The following KCNQ5 variants were observed in gnomAD, a reference collection of about 807,000 sequenced individuals.
KCNQ5 encodes the protein potassium voltage-gated channel subfamily KQT member 5.
In KCNQ5, 30 loss-of-function variants were observed where a neutral mutation model predicts 98.2. The ratio of observed to expected loss-of-function variants is 0.31; its 90% CI spans 0.23 to 0.41. The LOEUF (loss-of-function observed/expected upper bound fraction) is 0.41. Ranked by LOEUF, KCNQ5 falls within the 10% of genes least tolerant of loss-of-function variation. The pLI is 1.00. For missense variants in KCNQ5, 835 were observed against 1,182.5 expected (o/e 0.71, Z 4.31); for synonymous variants, 458 against 449.4 (o/e 1.02, Z -0.24).
chr6:73,057,465 A>C (rs1772571934), intron 3 of KCNQ5, among the ~76,000 whole-genome samples: 1 of 152,152 alleles, frequency 6.6e-6, no homozygotes, highest in Admixed American at 6.5e-5. Flanking sequence ...TGTACCTTAG[A>C]ACTTAAAGTA....
chr6:73,060,830 T>C (rs1772745236), intron 3 of KCNQ5, among the ~76,000 whole-genome samples: 1 of 152,128 alleles, frequency 6.6e-6, no homozygotes, highest in South Asian at 2.1e-4. Context: ...CTCTCACCTA[T>C]CAGATTGGCA....
At chr6:72,815,999 A>G (rs1291646686) in intron 1 of KCNQ5, among the ~76,000 whole-genome samples, 1 of 152,186 alleles carries the variant, frequency 6.6e-6, no homozygotes, top group Non-Finnish European at 1.5e-5. Context: ...ACCAAAGGAG[A>G]AAATGCCTGA....
intron 7 of KCNQ5, among the ~76,000 whole-genome samples, chr6:73,114,191 A>G (rs765305239): frequency 8.5e-5 from 13 of 152,168 alleles, no homozygotes; most frequent in Non-Finnish European, 1.6e-4. Context: ...TATTATAGAA[A>G]TTTATATTTC....
chr6:73,047,502 G>A (rs912227024), intron 3 of KCNQ5, among the ~76,000 whole-genome samples: 1 of 152,198 alleles, frequency 6.6e-6, no homozygotes, highest in East Asian at 1.9e-4. Flanking sequence ...TTAGATAATT[G>A]TTGACCTGGT....
intron 1 of KCNQ5, among the ~76,000 whole-genome samples, chr6:72,721,229 G>C (rs1769940033): frequency 1.3e-5 from 2 of 152,188 alleles, no homozygotes; most frequent in Admixed American, 6.5e-5. Flanking sequence ...TAAGTATTCA[G>C]TCAGTGAGAT....
chr6:73,111,699 T>C (rs1775247577), intron 7 of KCNQ5, among the ~76,000 whole-genome samples: 2 of 152,216 alleles, frequency 1.3e-5, no homozygotes, highest in African/African-American at 2.4e-5. Flanking sequence ...AATTATCTAA[T>C]ATGTCTTATG....
At chr6:72,921,406 G>C (rs933947539) in intron 1 of KCNQ5, among the ~76,000 whole-genome samples, 4 of 152,206 alleles carry the variant, frequency 2.6e-5, no homozygotes, top group Non-Finnish European at 5.9e-5. Context: ...GGCGTGAGTA[G>C]AAGATGAGCA....
At chr6:72,995,414 A>G (rs540989340) in intron 1 of KCNQ5, among the ~76,000 whole-genome samples, 53 of 152,258 alleles carry the variant, frequency 3.5e-4, no homozygotes, top group African/African-American at 1.0e-3. Context: ...TTCCTAGAAA[A>G]TAACATAAGT....
At chr6:72,807,013 A>G (rs1379145345) in intron 1 of KCNQ5, 1 of 233,640 alleles carries the variant, frequency 4.3e-6, no homozygotes, top group East Asian at 1.6e-4. Flanking sequence ...GACATTTGTC[A>G]ATGAGAATTT....
intron 2 of KCNQ5, among the ~76,000 whole-genome samples, chr6:73,037,961 T>A (rs1771514614): frequency 6.6e-6 from 1 of 152,156 alleles, no homozygotes; most frequent in Non-Finnish European, 1.5e-5. Context: ...TAGATCAATT[T>A]GGGAAGAATT....
chr6:73,077,303 T>G lies in KCNQ5; in HGVS notation c.617-19T>G. The G allele has an allele frequency of 6.2e-7, 1 of 1,610,032 alleles. No homozygotes were observed. The highest frequency in any genetic ancestry group is 1.1e-5 in the South Asian group (1 of 90,184). On this transcript the variant is annotated intron_variant, in intron 3 of 13. Transcript: ENST00000370398. ...TCCTGGTCGTGCTAACTGTGGCTAT[T>G]TCGACCTGTTTCTTTCAGATACCAT...
intron 1 of KCNQ5, among the ~76,000 whole-genome samples, chr6:72,793,734 C>T (rs1200380452): frequency 6.6e-6 from 1 of 152,234 alleles, no homozygotes; most frequent in Non-Finnish European, 1.5e-5. Context: ...CACACATGTG[C>T]CCTTCAATGC....
At chr6:72,858,999 G>T (rs182221876) in intron 1 of KCNQ5, among the ~76,000 whole-genome samples, 119 of 150,934 alleles carry the variant, frequency 7.9e-4, no homozygotes, top group African/African-American at 2.8e-3. Context: ...CAATTTTTAC[G>T]AGTCTATACA....
chr6:72,723,841 C>A (rs1391871996), intron 1 of KCNQ5, among the ~76,000 whole-genome samples: 1 of 152,004 alleles, frequency 6.6e-6, no homozygotes, highest in African/African-American at 2.4e-5. Flanking sequence ...CCTTTACAAC[C>A]CTTCATGCTA....
intron 1 of KCNQ5, among the ~76,000 whole-genome samples, chr6:72,665,375 CTG>C: frequency 6.7e-6 from 1 of 150,362 alleles, no homozygotes; most frequent in South Asian, 2.1e-4. Flanking sequence ...AGTTTTAAGA[CTG>C]TGAGTTGAGG....
chr6:72,701,369 T>G (rs1768796768), intron 1 of KCNQ5, among the ~76,000 whole-genome samples: 1 of 152,224 alleles, frequency 6.6e-6, no homozygotes, highest in South Asian at 2.1e-4. Flanking sequence ...AATACTGCTT[T>G]AGACAATTTT....
rs759760464 is a variant in KCNQ5 at position 73,178,804 on chromosome 6, CAG to C, written c.1577+8953_1577+8954del. ...CTTGCTTTGCAGATTATAAAACTGT[CAG>C]AGTTTAAATACTGTAAACACAAATA... is the stretch of plus-strand genomic sequence containing the variant. On this transcript the variant is annotated intron_variant, in intron 11 of 13. Coordinates refer to ENST00000370398, the MANE Select transcript of KCNQ5 (RefSeq NM_019842.4). Among the ~76,000 whole-genome samples the C allele has an allele frequency of 1.9e-4, 29 of 152,302 alleles. 1 individual carries two copies. The highest frequency in any genetic ancestry group is 6.2e-4 in the South Asian group (3 of 4,820).
chr6:73,024,381 T>TGATAGATAGATAGATTAGATAGATA (rs1554198955), intron 2 of KCNQ5, among the ~76,000 whole-genome samples: 4,201 of 120,610 alleles, frequency 0.035, 163 homozygotes, highest in Non-Finnish European at 0.038. Flanking sequence ...GATAGATAGA[T>TGATAGATAGATAGATTAGATAGATA]GATAGATAGA....
Position 72,753,886 on chromosome 6 carries a change from C to T in KCNQ5, c.398+131299C>T, listed in dbSNP as rs548030844. Among the ~76,000 whole-genome samples, 28 of 152,104 alleles carry T rather than the reference C, an allele frequency of 1.8e-4. 1 individual carries two copies. The South Asian group carries it at 4.6e-3, about 25-fold the overall frequency. ...TATTTTCTCTAAGTCTATGACTTGC[C>T]TTTTAATTTTGTTAGTATGTAGTAC... On this transcript the variant is annotated intron_variant, in intron 1 of 13. Coordinates refer to ENST00000370398, the MANE Select transcript of KCNQ5 (RefSeq NM_019842.4).
Sources: allele counts gnomAD v4.1 joint callset (sites outside exome capture counted in the v4.1 genomes callset), GRCh38; gene constraint gnomAD v4.1.1; transcripts MANE v1.5; gene names NCBI Gene and HGNC (gene_info 2026-07-23, HGNC 2026-07-21).